WWOX: variants seen among roughly 807,000 people sequenced by gnomAD.
The protein encoded by WWOX is WW domain-containing oxidoreductase.
Under a neutral mutation model 46.2 loss-of-function variants are expected in WWOX, and 69 were observed. That is an observed-to-expected ratio of 1.49 (90% CI 1.23 to 1.82). The LOEUF (loss-of-function observed/expected upper bound fraction) is 1.82, where lower values mean the gene tolerates loss of function less well. WWOX is among the 40% of genes most tolerant of loss of function. WWOX has a pLI of 0.00. For synonymous variants in WWOX, 359 were observed against 202.6 expected (o/e 1.77, Z -6.56); for missense variants, 919 against 542.6 (o/e 1.69, Z -6.89).
At chr16:79,110,931 G>C (rs1361683658) in intron 8 of WWOX, 1 of 152,144 alleles carries the variant, frequency 6.6e-6, no homozygotes, top group Non-Finnish European at 1.5e-5. Flanking sequence ...GACATGCCTG[G>C]CACAAGGCCT....
intron 6 of WWOX, among the ~76,000 whole-genome samples, chr16:78,389,133 C>G (rs889738990): frequency 1.3e-5 from 2 of 152,198 alleles, no homozygotes; most frequent in African/African-American, 4.8e-5. Context: ...CCCAGCCAGC[C>G]AGATCTGAGA....
chr16:78,621,976 T>G (rs573604809), intron 8 of WWOX, among the ~76,000 whole-genome samples: 136 of 152,256 alleles, frequency 8.9e-4, no homozygotes, highest in African/African-American at 3.0e-3. Context: ...TCTTGATGTT[T>G]TAGTGCTCCT....
chr16:78,529,192 G>A (rs1243202114), intron 8 of WWOX, among the ~76,000 whole-genome samples: 1 of 151,480 alleles, frequency 6.6e-6, no homozygotes, highest in African/African-American at 2.4e-5. Flanking sequence ...TGGCCTCAAA[G>A]GATCCTCCCA....
At chr16:78,162,632 G>A (rs145623124) in intron 4 of WWOX, among the ~76,000 whole-genome samples, 2 of 151,886 alleles carry the variant, frequency 1.3e-5, no homozygotes, top group South Asian at 2.1e-4. Flanking sequence ...TTTTTTGGCC[G>A]TGTATGCGTC....
At chr16:78,939,833 A>T (rs1321227541) in intron 8 of WWOX, among the ~76,000 whole-genome samples, 6 of 152,142 alleles carry the variant, frequency 3.9e-5, no homozygotes, top group Non-Finnish European at 7.4e-5. Context: ...CATCAAGGTG[A>T]CATAGGTCTG....
At chr16:78,140,744 C>G (rs1488878617) in intron 4 of WWOX, among the ~76,000 whole-genome samples, 1 of 152,274 alleles carries the variant, frequency 6.6e-6, no homozygotes, top group East Asian at 1.9e-4. Context: ...ACTCGATGAC[C>G]TCTGCAAAGG....
At chr16:78,153,205 T>G (rs2034476540) in intron 4 of WWOX, among the ~76,000 whole-genome samples, 1 of 152,160 alleles carries the variant, frequency 6.6e-6, no homozygotes, top group Non-Finnish European at 1.5e-5. Flanking sequence ...GAGGTATGGA[T>G]TAGCTAGTCA....
chr16:78,676,124 A>G (rs118090464), intron 8 of WWOX, among the ~76,000 whole-genome samples: 1 of 151,750 alleles, frequency 6.6e-6, no homozygotes, highest in Non-Finnish European at 1.5e-5. Flanking sequence ...CAACCAGACA[A>G]CCAGACTGAG....
chr16:78,660,166 G>T (rs2047178524), intron 8 of WWOX, among the ~76,000 whole-genome samples: 1 of 152,118 alleles, frequency 6.6e-6, no homozygotes, highest in Non-Finnish European at 1.5e-5. Context: ...TGTGGACTGT[G>T]CTGCTTTTTT....
chr16:79,193,066 C>T (rs537609836), intron 8 of WWOX, among the ~76,000 whole-genome samples: 38 of 152,356 alleles, frequency 2.5e-4, no homozygotes, highest in Non-Finnish European at 4.3e-4. Flanking sequence ...CAATTCTCTA[C>T]GATCTTTGAC....
chr16:78,215,915 CAAA>C (rs775006510), intron 5 of WWOX, among the ~76,000 whole-genome samples: 1 of 127,132 alleles, frequency 7.9e-6, no homozygotes, highest in Admixed American at 8.1e-5. Flanking sequence ...GATTCCATCT[CAAA>C]AAAAAAAAAA....
intron 5 of WWOX, among the ~76,000 whole-genome samples, chr16:78,334,983 A>G (rs1451435753): frequency 1.3e-5 from 2 of 151,960 alleles, no homozygotes; most frequent in East Asian, 3.9e-4. Flanking sequence ...ATACACGAAG[A>G]CAGAGACCAG....
chr16:78,468,593 T>G lies in WWOX; in HGVS notation c.1056+35841T>G, dbSNP rs80066927. ...TAGTTACAGGGAGTGCTAGGGTAAG[T>G]GGAAAAAGCACATGACTTGGAATAA... On this transcript the variant is annotated intron_variant, in intron 8 of 8. Coordinates refer to ENST00000566780, the MANE Select transcript of WWOX (RefSeq NM_016373.4). Among the ~76,000 whole-genome samples the G allele has an allele frequency of 1.2e-4, 19 of 152,098 alleles. No individual in the cohort carries two copies. In the East Asian group the frequency reaches 3.7e-3, roughly 29 times the overall value.
At chr16:78,996,911 C>G (rs1364390305) in intron 8 of WWOX, among the ~76,000 whole-genome samples, 1 of 152,188 alleles carries the variant, frequency 6.6e-6, no homozygotes, top group Non-Finnish European at 1.5e-5. Context: ...CGGAGAAGAG[C>G]ATTTTGCTTG....
chr16:78,915,682 C>G (rs1490033068), intron 8 of WWOX, among the ~76,000 whole-genome samples: 3 of 96,856 alleles, frequency 3.1e-5, no homozygotes, highest in Non-Finnish European at 4.1e-5. Flanking sequence ...CTTGTCTATT[C>G]CTCTCCAAAG....
chr16:78,767,762 G>C lies in WWOX; in HGVS notation c.1056+335010G>C, dbSNP rs549094960. On this transcript the variant is annotated intron_variant, in intron 8 of 8. Transcript: ENST00000566780. Reference sequence around the variant, plus strand: ...TTAAAAAAATAGAATAGCCATCTGAGTGAAGTGTTACCTCCCTGCAGTGTT... The same window carrying C: ...TTAAAAAAATAGAATAGCCATCTGACTGAAGTGTTACCTCCCTGCAGTGTT... Among the ~76,000 whole-genome samples the C allele has an allele frequency of 2.0e-5, 3 of 152,236 alleles. No individual in the cohort carries two copies. The South Asian group carries it at 6.2e-4, about 32-fold the overall frequency.
At chr16:78,963,325 T>C (rs988595675) in intron 8 of WWOX, among the ~76,000 whole-genome samples, 1 of 152,014 alleles carries the variant, frequency 6.6e-6, no homozygotes, top group East Asian at 1.9e-4. Flanking sequence ...AAAAATTAGC[T>C]GCCCATGGTG....
intron 8 of WWOX, among the ~76,000 whole-genome samples, chr16:78,877,470 A>G (rs1189129228): frequency 6.6e-6 from 1 of 152,152 alleles, no homozygotes; most frequent in Non-Finnish European, 1.5e-5. Flanking sequence ...GCTTTGCTCA[A>G]CTGACACTTT....
chr16:79,186,933 G>A (rs1439645164), intron 8 of WWOX, among the ~76,000 whole-genome samples: 2 of 152,184 alleles, frequency 1.3e-5, no homozygotes, highest in Non-Finnish European at 2.9e-5. Flanking sequence ...AAGCCCAAAA[G>A]TAGACATGTG....
Sources: gnomAD v4.1 joint callset for allele counts (sites outside exome capture counted in the v4.1 genomes callset) on GRCh38, gnomAD v4.1.1 for gene constraint, MANE v1.5 for transcripts, NCBI Gene and HGNC (gene_info 2026-07-23, HGNC 2026-07-21) for gene names.